TRIM37: variants seen among roughly 807,000 people sequenced by gnomAD.
TRIM37 encodes the protein E3 ubiquitin-protein ligase TRIM37.
In TRIM37, 80 loss-of-function variants were observed where a neutral mutation model predicts 129.8. The observed-to-expected ratio is 0.62, with a 90% CI of 0.51 to 0.74. TRIM37 has a LOEUF of 0.74. Among genes scored for constraint, TRIM37 ranks in the 30% least tolerant of loss-of-function variants. The pLI is 0.00. For missense variants in TRIM37, 1,054 were observed against 1,176.5 expected (o/e 0.90, Z 1.52); for synonymous variants, 389 against 387.1 (o/e 1.00, Z -0.06).
At chr17:59,000,349 C>T (rs1471680615) in intron 23 of TRIM37, among the ~76,000 whole-genome samples, 1 of 152,144 alleles carries the variant, frequency 6.6e-6, no homozygotes, top group Non-Finnish European at 1.5e-5. Context: ...CCTGTAACCC[C>T]AGTACTTTGG....
intron 17 of TRIM37, among the ~76,000 whole-genome samples, chr17:59,036,036 A>G (rs9908946): frequency 7.2e-4 from 110 of 152,316 alleles, no homozygotes; most frequent in African/African-American, 2.6e-3. Flanking sequence ...TACAAATTAC[A>G]TACCGATATT....
At chr17:59,038,942 T>C (rs931942161) in intron 17 of TRIM37, among the ~76,000 whole-genome samples, 5 of 152,166 alleles carry the variant, frequency 3.3e-5, no homozygotes, top group Non-Finnish European at 7.3e-5. Flanking sequence ...TCCACAGCCG[T>C]AACTACAGCT....
chr17:59,083,520 T>G (rs1213794491), intron 5 of TRIM37, among the ~76,000 whole-genome samples: 5 of 152,064 alleles, frequency 3.3e-5, no homozygotes, highest in Non-Finnish European at 7.4e-5. Context: ...CTTCAATGCT[T>G]CAGGCTCAAT....
At chr17:59,049,966 C>G (rs1294195216) in intron 14 of TRIM37, among the ~76,000 whole-genome samples, 1 of 152,152 alleles carries the variant, frequency 6.6e-6, no homozygotes, top group Non-Finnish European at 1.5e-5. Flanking sequence ...TTTTAAATAG[C>G]ACATTTAACA....
At position 59,047,684 on chromosome 17, in the gene TRIM37, T is replaced by C. The variant is rs1249614655; in HGVS notation, c.1666A>G (p.Met556Val). ...TEENDIDEET[M>V]SGENDVEYNN... Reference sequence around the variant, plus strand: ...ACAGTAGTAAAGTGGGAAACTCACATAGTTTCTTCATCAATATCATTTTCT... The same window carrying C: ...ACAGTAGTAAAGTGGGAAACTCACACAGTTTCTTCATCAATATCATTTTCT... The change falls in exon 16 of 24, where the codon ATG (methionine) becomes GTG (valine). Residue 556 changes from methionine (M) to valine (V), a missense_variant and splice_region_variant. Physicochemically the swap from Met to Val is conservative, Grantham distance 21. Around this residue, in one of 3 missense-constraint regions of TRIM37, gnomAD observed 752 missense variants for 870.8 expected, o/e 0.86. Transcript: ENST00000262294. 2 of 1,612,942 alleles carry C rather than the reference T, an allele frequency of 1.2e-6. No homozygotes were observed. Among genetic ancestry groups the C allele is most frequent in the Non-Finnish European group, 1.7e-6 (2 of 1,179,442 alleles).
chr17:59,006,780 T>C (rs937670141), intron 22 of TRIM37, among the ~76,000 whole-genome samples: 6 of 151,974 alleles, frequency 3.9e-5, no homozygotes, highest in African/African-American at 1.5e-4. Context: ...TCCCAGCTAC[T>C]TGGGAGGCTG....
rs1385777379 is a variant in TRIM37 at position 59,061,046 on chromosome 17, C to T, written c.1005G>A (p.Leu335=). 1.2e-6 allele frequency: 2 copies of T among 1,613,298 alleles called. No individual in the cohort carries two copies. The highest frequency in any genetic ancestry group is 3.3e-5 in the Admixed American group (2 of 59,984). The change falls in exon 12 of 24, where the codon TTG becomes TTA. Residue 335 remains leucine (L), a synonymous_variant. Transcript: ENST00000262294. ...LSVFLELSAG[L]PETSKYEYRV... ...ACACTTCTTACTTAGAAGTTTCAGG[C>T]AAGCCAGCTGAGAGCTCCAGAAACA...
intron 9 of TRIM37, among the ~76,000 whole-genome samples, chr17:59,070,554 AC>A (rs2042275802): frequency 6.6e-6 from 1 of 152,084 alleles, no homozygotes; most frequent in Non-Finnish European, 1.5e-5. Flanking sequence ...AGCTTGCCAG[AC>A]CACTCCATTA....
chr17:59,034,169 G>A (rs1348515872), intron 17 of TRIM37, among the ~76,000 whole-genome samples: 2 of 151,350 alleles, frequency 1.3e-5, no homozygotes, highest in African/African-American at 2.4e-5. Context: ...TACTCAGATC[G>A]TTCTTATGTA....
chr17:59,085,699 A>G lies in TRIM37; in HGVS notation c.282-1610T>C, dbSNP rs568501627. Among the ~76,000 whole-genome samples the G allele has an allele frequency of 1.5e-3, 224 of 152,328 alleles. 1 individual carries two copies. The highest frequency in any genetic ancestry group is 5.1e-3 in the African/African-American group (212 of 41,572). ...ATCTAGCAATTCTACTTCTGATTAC[A>G]TAACCAAAAGAACTGAAAGCAGAGT... On this transcript the variant is annotated intron_variant, in intron 4 of 23. Coordinates refer to ENST00000262294, the MANE Select transcript of TRIM37 (RefSeq NM_015294.6).
At chr17:59,040,538 G>C (rs902993300) in intron 17 of TRIM37, among the ~76,000 whole-genome samples, 1 of 152,072 alleles carries the variant, frequency 6.6e-6, no homozygotes, top group Non-Finnish European at 1.5e-5. Flanking sequence ...GGGAAGTGCT[G>C]AATCACACAC....
At chr17:58,994,778 C>T (rs191796230), downstream of TRIM37, among the ~76,000 whole-genome samples, 422 of 148,064 alleles carry the variant, frequency 2.9e-3, 2 homozygotes, top group African/African-American at 0.01. Flanking sequence ...GACAGAGTTT[C>T]GCTCTTGTTG....
intron 9 of TRIM37, among the ~76,000 whole-genome samples, chr17:59,065,596 T>C (rs192781102): frequency 5.9e-4 from 90 of 152,314 alleles, no homozygotes; most frequent in African/African-American, 1.7e-3. Context: ...TCAAAACTCA[T>C]TAAAACACTA....
rs541853467 is a variant in TRIM37, at chr17:59,051,214, C to T, written c.1314G>A (p.Glu438=). The T allele has an allele frequency of 5.7e-6, 9 of 1,587,154 alleles. No individual in the cohort carries two copies. Among genetic ancestry groups the T allele is most frequent in the African/African-American group, 4.0e-5 (3 of 74,446 alleles). The change falls in exon 14 of 24, where the codon GAG becomes GAA. Residue 438 remains glutamate, a splice_region_variant and synonymous_variant. Coordinates refer to ENST00000262294, the MANE Select transcript of TRIM37 (RefSeq NM_015294.6). ...AAAACAGAAATAGATATTTTCTTACCTCTTTAAGGTTGTTTATTTGTTGGA... is the reference window on the plus strand; with the variant it reads ...AAAACAGAAATAGATATTTTCTTACTTCTTTAAGGTTGTTTATTTGTTGGA... ...SYIQQINNLK[E]RLTIELSRTQ...
At chr17:59,087,643 A>C (rs1347474893) in intron 4 of TRIM37, among the ~76,000 whole-genome samples, 1 of 151,830 alleles carries the variant, frequency 6.6e-6, no homozygotes, top group Non-Finnish European at 1.5e-5. Context: ...GAAACAGATA[A>C]ATTTTTTTCT....
downstream of TRIM37, among the ~76,000 whole-genome samples, chr17:58,994,196 C>T (rs1424009416): frequency 6.6e-6 from 1 of 152,102 alleles, no homozygotes; most frequent in Admixed American, 6.5e-5. Context: ...CCAATATAGA[C>T]TCACAGTCAT....
At chr17:59,016,060 G>A (rs1213294451) in intron 20 of TRIM37, among the ~76,000 whole-genome samples, 3 of 152,076 alleles carry the variant, frequency 2.0e-5, no homozygotes, top group African/African-American at 7.2e-5. Flanking sequence ...AGTTACATTA[G>A]AAAATCTCAC....
intron 21 of TRIM37, among the ~76,000 whole-genome samples, chr17:59,013,576 A>G (rs1489990785): frequency 1.3e-5 from 2 of 152,238 alleles, no homozygotes; most frequent in Admixed American, 1.3e-4. Flanking sequence ...AACAGCATGA[A>G]TATGTGTGGG....
Position 59,036,447 on chromosome 17 carries a change from G to GT in TRIM37, c.1754-4358_1754-4357insA, listed in dbSNP as rs2038497208. Reference sequence around the variant, plus strand: ...AAAAATCTAGTTTGTATTTGCTGGGGGTGTGTGTGTGTGTGTGTGTGTGTG... The same window carrying GT: ...AAAAATCTAGTTTGTATTTGCTGGGGTGTGTGTGTGTGTGTGTGTGTGTGTG... On this transcript the variant is annotated intron_variant, in intron 17 of 23. Transcript: ENST00000262294. 5.2e-3 allele frequency among the ~76,000 whole-genome samples: 735 copies of GT among 140,674 alleles called. 11 individuals are homozygous for GT. Among genetic ancestry groups the GT allele is most frequent in the African/African-American group, 0.015 (543 of 36,480 alleles). 92.3% of individuals were successfully genotyped at this position (140,674 alleles called of 152,430 possible). A position where few individuals can be genotyped will look rare whatever the true frequency, so the allele number is the denominator to read the frequency against.
Sources: gnomAD v4.1 joint callset for allele counts (sites outside exome capture counted in the v4.1 genomes callset) on GRCh38, gnomAD v4.1.1 for gene constraint, gnomAD v4.1.1 regional missense constraint, MANE v1.5 for transcripts, NCBI Gene and HGNC (gene_info 2026-07-23, HGNC 2026-07-21) for gene names.